Variants in FCHO1 observed in about 807,000 individuals in gnomAD.
The protein encoded by FCHO1 is FCH and mu domain containing endocytic adaptor 1, also known as F-BAR domain only protein 1.
FCHO1 carries 45 observed loss-of-function variants against 114.4 expected under a neutral mutation model. The observed-to-expected ratio is 0.39, with a 90% CI of 0.31 to 0.50. FCHO1 has a LOEUF of 0.50. FCHO1 is among the 20% of genes least tolerant of loss of function. The pLI is 0.77. For missense variants in FCHO1, 1,042 were observed against 1,209.6 expected, an observed-to-expected ratio of 0.86 and a Z score of 2.06; for synonymous variants, 480 against 488.9, an observed-to-expected ratio of 0.98 and a Z score of 0.24.
intron 7 of FCHO1, among the ~76,000 whole-genome samples, chr19:17,767,825 C>T (rs2089960906): frequency 6.6e-6 from 1 of 152,088 alleles, no homozygotes; most frequent in South Asian, 2.1e-4. Flanking sequence ...CTATCTGTCC[C>T]TTTACAGAAA....
upstream of FCHO1, among the ~76,000 whole-genome samples, chr19:17,750,697 A>G (rs12980192): frequency 0.24 from 36,833 of 151,666 alleles, 4,809 homozygotes; most frequent in Non-Finnish European, 0.28. Flanking sequence ...GGGCTCAAGC[A>G]ATCCACCTGC....
At chr19:17,777,534 T>C (rs1347913515) in intron 18 of FCHO1, among the ~76,000 whole-genome samples, 1 of 44,702 alleles carries the variant, frequency 2.2e-5, no homozygotes, top group African/African-American at 1.5e-4. Flanking sequence ...AAACTCCGTC[T>C]CAAAAAAAAA....
At chr19:17,761,074 G>A (rs2085945422) in intron 4 of FCHO1, among the ~76,000 whole-genome samples, 1 of 152,190 alleles carries the variant, frequency 6.6e-6, no homozygotes, top group African/African-American at 2.4e-5. Context: ...AAGAGATTTT[G>A]TGAAGGCATT....
chr19:17,750,446 G>T (rs1011427619), upstream of FCHO1, among the ~76,000 whole-genome samples: 4 of 152,132 alleles, frequency 2.6e-5, no homozygotes, highest in Non-Finnish European at 5.9e-5. Flanking sequence ...CAATGTAGTT[G>T]TAAAATACAG....
In FCHO1 at chr19:17,781,098, C is replaced by T. The variant is rs1599758977; in HGVS notation, c.1628-133C>T. 5 of 654,490 alleles carry T rather than the reference C, an allele frequency of 7.6e-6. No homozygotes were observed. In the East Asian group the frequency reaches 1.0e-4, roughly 13 times the overall value. The allele number at this position is 654,490 out of a possible 1,614,324, so 40.5% of individuals were successfully genotyped here. A position where few individuals can be genotyped will look rare whatever the true frequency, so the allele number is the denominator to read the frequency against. Reference sequence around the variant, plus strand: ...CTGTCTGGCACCTTTTCTGCAACACCAGGACTTCAGACCCATTGGGGGTCT... The same window carrying T: ...CTGTCTGGCACCTTTTCTGCAACACTAGGACTTCAGACCCATTGGGGGTCT... On this transcript the variant is annotated intron_variant, in intron 20 of 28. Transcript: ENST00000596536.
At chr19:17,768,137 C>T (rs1358858408) in intron 7 of FCHO1, among the ~76,000 whole-genome samples, 1 of 152,126 alleles carries the variant, frequency 6.6e-6, no homozygotes, top group African/African-American at 2.4e-5. Context: ...TGCACAATCT[C>T]AGCTCACTGC....
chr19:17,770,617 G>T, intron 8 of FCHO1, 40 bp downstream of exon 8: 1 of 1,593,656 alleles, frequency 6.3e-7, no homozygotes, highest in Non-Finnish European at 8.6e-7. Context: ...ATTTGCCGCG[G>T]GGCGGAGGGG....
intron 4 of FCHO1, among the ~76,000 whole-genome samples, chr19:17,755,994 C>CACAGAGGATGGGTGA (rs1196073652): frequency 6.6e-6 from 1 of 152,178 alleles, no homozygotes; most frequent in Non-Finnish European, 1.5e-5. Context: ...AACAGGGTGC[C>CACAGAGGATGGGTGA]ACAGAGGATG....
intron 4 of FCHO1, 43 bp downstream of exon 4, chr19:17,755,234 G>T (rs200292892): frequency 6.4e-7 from 1 of 1,569,612 alleles, no homozygotes; most frequent in East Asian, 2.3e-5. Flanking sequence ...TGGCAGGGCT[G>T]TGGGGACTTT....
intron 23 of FCHO1, 43 bp from the exon 24 acceptor site, chr19:17,782,974 G>C: frequency 6.2e-7 from 1 of 1,603,108 alleles, no homozygotes; most frequent in African/African-American, 1.3e-5. Context: ...TGAGGCACCA[G>C]GCAGAGCCCT....
chr19:17,783,289 C>T (rs1210318423), intron 24 of FCHO1, 117 bp downstream of exon 24: 32 of 1,119,446 alleles, frequency 2.9e-5, no homozygotes, highest in Admixed American at 8.3e-5. Context: ...TTTGTAGAGA[C>T]GGAGTCTTGC....
Position 17,784,661 on chromosome 19 carries a change from C to A in FCHO1, c.2227-64C>A, listed in dbSNP as rs1401075016. 29 of 1,497,552 alleles carry A rather than the reference C, an allele frequency of 1.9e-5. No homozygotes were observed. Among genetic ancestry groups the A allele is most frequent in the African/African-American group, 2.8e-5 (2 of 72,646 alleles). The allele number at this position is 1,497,552 out of a possible 1,614,324, so 92.8% of individuals were successfully genotyped here. ...TCGCAGGGTCAAGGTGGTTGAATAG[C>A]GCATGGTGTGGCAAGACAGGATGGC... On this transcript the variant is annotated intron_variant, in intron 25 of 28. Transcript: ENST00000596536. The surrounding 1 kb of genome is among the most constrained non-coding windows in gnomAD (Gnocchi z 5.3).
chr19:17,781,661 A>G lies in FCHO1; in HGVS notation c.1829-51A>G, dbSNP rs532956652. 3.9e-5 allele frequency: 61 copies of G among 1,545,746 alleles called. 1 individual carries two copies. The highest frequency in any genetic ancestry group is 2.9e-4 in the East Asian group (13 of 44,492). ...GGAGGGAGTCTCGAGCCTGGAGCCT[A>G]TATTCACACTGTCTATCCGTTGTTC... On this transcript the variant is annotated intron_variant, in intron 22 of 28. Transcript: ENST00000596536.
intron 5 of FCHO1, among the ~76,000 whole-genome samples, chr19:17,763,470 G>A (rs996744625): frequency 3.3e-5 from 5 of 151,190 alleles, no homozygotes; most frequent in African/African-American, 1.2e-4. Flanking sequence ...CACTATGTTG[G>A]CCAGGCGGGT....
At chr19:17,781,166 C>A (rs1366491834) in intron 20 of FCHO1, 65 bp from the exon 21 acceptor site, 19 of 1,196,278 alleles carry the variant, frequency 1.6e-5, no homozygotes, top group Non-Finnish European at 2.3e-5. Flanking sequence ...TGAGTTTGTG[C>A]CCCTGGGGAG....
chr19:17,785,011 A>G (rs2093746087), intron 26 of FCHO1, 87 bp downstream of exon 26: 2 of 1,371,008 alleles, frequency 1.5e-6, no homozygotes, highest in Admixed American at 3.7e-5. Context: ...TAAAGGGTGC[A>G]CCCTCGGCCT....
intron 6 of FCHO1, 58 bp from the exon 7 acceptor site, chr19:17,766,611 G>A: frequency 1.2e-6 from 2 of 1,607,324 alleles, no homozygotes; most frequent in East Asian, 2.2e-5. Flanking sequence ...CAGTGCCAGC[G>A]CTGTCCCGGG....
In FCHO1 at chr19:17,784,861, T is replaced by C. The variant is rs777970136; in HGVS notation, c.2363T>C (p.Val788Ala). 6.2e-7 allele frequency: 1 copy of C among 1,613,720 alleles called. No homozygotes were observed. The highest frequency in any genetic ancestry group is 8.5e-7 in the Non-Finnish European group (1 of 1,180,022). ...GCTGTGCCCACACCACTCACGAACG[T>C]CCAGATCCTGCTGCCTGTGGGGGAG... ...ATAVPTPLTNVQILLPVGEPV... is the reference protein window; with the variant it reads ...ATAVPTPLTNAQILLPVGEPV... The change falls in exon 26 of 29, where the codon GTC becomes GCC. Residue 788 changes from valine to alanine, a missense_variant. Physicochemically the swap from Val to Ala is moderately conservative, Grantham distance 64 (BLOSUM62 0). Around this residue, in one of 3 missense-constraint regions of FCHO1, gnomAD observed 137 missense variants for 190.0 expected, o/e 0.72. Transcript: ENST00000596536. This position sits in a 1 kb window ranked among gnomAD's most constrained non-coding sequence, Gnocchi z 5.3.
intron 11 of FCHO1, among the ~76,000 whole-genome samples, chr19:17,773,776 G>T (rs755427435): frequency 6.6e-6 from 1 of 152,118 alleles, no homozygotes; most frequent in Non-Finnish European, 1.5e-5. Context: ...TGTGGGGCTG[G>T]TTCTTGTCCG....
Sources: gnomAD v4.1 joint callset for allele counts (sites outside exome capture counted in the v4.1 genomes callset) on GRCh38, gnomAD v4.1.1 for gene constraint, gnomAD v4.1.1 regional missense constraint, Gnocchi (gnomAD v3.1) non-coding constraint, MANE v1.5 for transcripts, NCBI Gene and HGNC (gene_info 2026-07-23, HGNC 2026-07-21) for gene names.